MYH7: variants seen among roughly 807,000 people sequenced by gnomAD.
The protein encoded by MYH7 is myosin heavy chain 7, also known as myosin-7.
A neutral mutation model predicts 225.4 loss-of-function variants in MYH7; 129 were observed. The observed-to-expected ratio is 0.57, with a 90% CI of 0.50 to 0.66. The LOEUF (loss-of-function observed/expected upper bound fraction) is 0.66, where lower values mean the gene tolerates loss of function less well. Among genes scored for constraint, MYH7 ranks in the 30% least tolerant of loss-of-function variants. The pLI is 0.00. For missense variants in MYH7, 1,649 were observed against 2,517.0 expected, an observed-to-expected ratio of 0.66 and a Z score of 7.38; for synonymous variants, 971 against 1,007.6, an observed-to-expected ratio of 0.96 and a Z score of 0.69.
rs761723774 is a variant in MYH7, at chr14:23,416,187, G to A, written c.4770C>T (p.His1590=). Residue 1590 remains histidine, a synonymous_variant, in exon 34 of 40, where the codon CAC becomes CAT. Transcript: ENST00000355349. ...DEEMEQAKRN[H]LRVVDSLQTS... is the part of the protein sequence containing the mutation. ...TCTGCAGCGAGTCCACCACCCGCAG[G>A]TGGTTGCGCTTGGCCTGTTCCATCT... 1.9e-6 allele frequency: 3 copies of A among 1,614,038 alleles called. No individual in the cohort carries two copies. Among genetic ancestry groups the A allele is most frequent in the East Asian group, 2.2e-5 (1 of 44,870 alleles).
At chr14:23,421,325 G>A (rs1477990408) in intron 25 of MYH7, among the ~76,000 whole-genome samples, 1 of 152,198 alleles carries the variant, frequency 6.6e-6, no homozygotes, top group Non-Finnish European at 1.5e-5. Flanking sequence ...TGTAAAATGA[G>A]GGGGTCGGAC....
chr14:23,429,204 C>T, intron 13 of MYH7, 25 bp downstream of exon 13: 1 of 1,613,692 alleles, frequency 6.2e-7, no homozygotes, highest in East Asian at 2.2e-5. Flanking sequence ...CCTGCCCACC[C>T]ATTATCATCT....
In MYH7 at chr14:23,415,585, C is replaced by T. The variant is rs765784880; in HGVS notation, c.5157+44G>A. On this transcript the variant is annotated intron_variant, in intron 35 of 39. Coordinates refer to ENST00000355349, the MANE Select transcript of MYH7 (RefSeq NM_000257.4). The surrounding 1 kb of genome is among the most constrained non-coding windows in gnomAD (Gnocchi z 6.3). Reference sequence around the variant, plus strand: ...AGCTCTCAAGCCTTGCTTGCTGAGCCCCAGCCTGTGCTCCCTTCAGGAATG... The same window carrying T: ...AGCTCTCAAGCCTTGCTTGCTGAGCTCCAGCCTGTGCTCCCTTCAGGAATG... The T allele has an allele frequency of 6.2e-7, 1 of 1,613,676 alleles. No individual in the cohort carries two copies. Among genetic ancestry groups the T allele is most frequent in the Non-Finnish European group, 8.5e-7 (1 of 1,179,996 alleles).
At chr14:23,419,358 G>A in intron 28 of MYH7, 63 bp from the exon 29 acceptor site, 4 of 1,612,512 alleles carry the variant, frequency 2.5e-6, no homozygotes, top group Non-Finnish European at 3.4e-6. Context: ...CTAGCCCTCA[G>A]GCCCCATTTT....
intron 8 of MYH7, 46 bp from the exon 9 acceptor site, chr14:23,431,527 ATC>A: frequency 6.2e-7 from 1 of 1,613,766 alleles, no homozygotes; most frequent in Non-Finnish European, 8.5e-7. Context: ...GAAGGCTCAT[ATC>A]TGAGACCATT....
intron 25 of MYH7, among the ~76,000 whole-genome samples, chr14:23,421,411 C>A (rs184443084): frequency 6.6e-6 from 1 of 152,284 alleles, no homozygotes; most frequent in East Asian, 1.9e-4. Flanking sequence ...ACTCAGCTAA[C>A]CTTTCTGAAA....
At chr14:23,417,809 G>A in intron 30 of MYH7, 123 bp from the exon 31 acceptor site, 3 of 1,358,940 alleles carry the variant, frequency 2.2e-6, no homozygotes, top group Non-Finnish European at 3.1e-6. Context: ...GGAGAAGCCT[G>A]AGGACAGGTC....
At chr14:23,430,718 C>A in intron 10 of MYH7, 55 bp from the exon 11 acceptor site, 3 of 1,476,542 alleles carry the variant, frequency 2.0e-6, no homozygotes, top group Non-Finnish European at 2.8e-6. Context: ...CTCATGGAGG[C>A]TGCTCGCCAC....
In MYH7 at chr14:23,433,108, A is replaced by G; in HGVS notation, c.321T>C (p.Asp107=). 6.2e-7 allele frequency: 1 copy of G among 1,614,114 alleles called. No homozygotes were observed. The highest frequency in any genetic ancestry group is 2.2e-5 in the East Asian group (1 of 44,862). The change falls in exon 4 of 40, where the codon GAT becomes GAC. Residue 107 remains aspartate (D), a synonymous_variant. Transcript: ENST00000355349. This position sits in a 1 kb window ranked among gnomAD's most constrained non-coding sequence, Gnocchi z 4.1. The part of the protein sequence containing the change: ...HEPAVLYNLK[D]RYGSWMIYTY... Reference sequence around the variant, plus strand: ...CGTAGATCATCCAGGAGCCGTAGCGATCCTTGAGGTTGTAGAGCACCGCGG... The same window carrying G: ...CGTAGATCATCCAGGAGCCGTAGCGGTCCTTGAGGTTGTAGAGCACCGCGG...
Position 23,416,154 on chromosome 14 carries a change from C to T in MYH7, c.4803G>A (p.Leu1601=), listed in dbSNP as rs397516228. The change falls in exon 34 of 40, where the codon CTG becomes CTA. Residue 1601 remains leucine, a synonymous_variant. Coordinates refer to ENST00000355349, the MANE Select transcript of MYH7 (RefSeq NM_000257.4). Reference sequence around the variant, plus strand: ...CGTTGCGGCTGCGTGTCTCTGCGTCCAGGGAGGTCTGCAGCGAGTCCACCA... The same window carrying T: ...CGTTGCGGCTGCGTGTCTCTGCGTCTAGGGAGGTCTGCAGCGAGTCCACCA... ...LRVVDSLQTS[L]DAETRSRNEA... 8 of 1,614,078 alleles carry T rather than the reference C, an allele frequency of 5.0e-6. No individual in the cohort carries two copies. The highest frequency in any genetic ancestry group is 6.8e-6 in the Non-Finnish European group (8 of 1,180,046).
intron 22 of MYH7, among the ~76,000 whole-genome samples, 200 bp from the exon 23 acceptor site, chr14:23,424,349 A>G (rs1757442896): frequency 2.6e-5 from 4 of 152,170 alleles, no homozygotes; most frequent in Admixed American, 2.6e-4. Context: ...GCAGAGAGGA[A>G]AGGAACCAGA....
intron 18 of MYH7, 127 bp downstream of exon 18, chr14:23,426,650 G>A (rs938062209): frequency 1.6e-5 from 14 of 863,448 alleles, no homozygotes; most frequent in Non-Finnish European, 2.3e-5. Flanking sequence ...GAGGCCTCAT[G>A]CGGGATGGGA....
At chr14:23,417,747 A>G (rs1892285953) in intron 30 of MYH7, 61 bp from the exon 31 acceptor site, 1 of 1,584,684 alleles carries the variant, frequency 6.3e-7, no homozygotes, top group Non-Finnish European at 8.6e-7. Flanking sequence ...GGACAAGAGG[A>G]AACAACATGA....
chr14:23,431,779 C>T lies in MYH7; in HGVS notation c.621G>A (p.Lys207=), dbSNP rs1472440320. The T allele has an allele frequency of 6.2e-7, 1 of 1,614,136 alleles. No homozygotes were observed. The highest frequency in any genetic ancestry group is 8.5e-7 in the Non-Finnish European group (1 of 1,180,058). The change falls in exon 7 of 40, where the codon AAG becomes AAA. Residue 207 remains lysine (K), a synonymous_variant. Transcript: ENST00000355349. ...VIAAIGDRSK[K]DQSPGKGTLE... The stretch of plus-strand genomic sequence containing the variant: ...GGCCTACCTTGCCCGGGCTCTGGTC[C>T]TTCTTGCTGCGGTCCCCAATGGCTG...
At chr14:23,413,923 G>A (rs1180120650) in intron 38 of MYH7, 30 bp from the exon 39 acceptor site, 20 of 1,614,206 alleles carry the variant, frequency 1.2e-5, no homozygotes, top group Non-Finnish European at 1.4e-5. Context: ...GAGGTGAGAG[G>A]GGGCCTGGGT....
intron 25 of MYH7, among the ~76,000 whole-genome samples, chr14:23,421,322 T>C (rs1043823075): frequency 3.3e-5 from 5 of 152,158 alleles, no homozygotes; most frequent in African/African-American, 1.2e-4. Flanking sequence ...TAATGTAAAA[T>C]GAGGGGGTCG....
intron 11 of MYH7, among the ~76,000 whole-genome samples, chr14:23,430,118 G>A (rs781006211): frequency 7.9e-5 from 12 of 152,184 alleles, no homozygotes; most frequent in African/African-American, 1.9e-4. Flanking sequence ...CAGAGCAGAC[G>A]TCAGTTGGCC....
chr14:23,435,130 A>G (rs894946378), intron 1 of MYH7, among the ~76,000 whole-genome samples: 36 of 152,094 alleles, frequency 2.4e-4, no homozygotes, highest in Middle Eastern at 3.2e-3. Flanking sequence ...TCGTGGAGGC[A>G]TAGACAAGAA....
chr14:23,428,852 A>T, intron 14 of MYH7, 103 bp downstream of exon 14: 1 of 1,593,116 alleles, frequency 6.3e-7, no homozygotes, highest in Non-Finnish European at 8.6e-7. Context: ...CACAGTCCCC[A>T]CTGCCTTCCC....
Sources: allele counts gnomAD v4.1 joint callset (sites outside exome capture counted in the v4.1 genomes callset), GRCh38; gene constraint gnomAD v4.1.1; non-coding constraint Gnocchi (gnomAD v3.1); transcripts MANE v1.5; gene names NCBI Gene and HGNC (gene_info 2026-07-23, HGNC 2026-07-21).